ZNF705B: variants seen among roughly 807,000 people sequenced by gnomAD.
The protein encoded by ZNF705B is Putative zinc finger protein 705D-like protein LOC100132396.
ZNF705B carries 1 observed loss-of-function variant against 10.5 expected under a neutral mutation model. That is an observed-to-expected ratio of 0.10 (90% CI 0.03 to 0.45). The LOEUF (loss-of-function observed/expected upper bound fraction) is 0.45. Ranked by LOEUF, ZNF705B falls within the 20% of genes least tolerant of loss-of-function variation. The pLI is 0.97. For synonymous variants in ZNF705B, 4 were observed against 25.4 expected, an observed-to-expected ratio of 0.16 and a Z score of 2.53; for missense variants, 14 against 84.0, an observed-to-expected ratio of 0.17 and a Z score of 3.26.
chr8:7,928,526 A>G lies in ZNF705B; in HGVS notation c.-221-1761A>G, dbSNP rs1346935087. 4.2e-5 allele frequency among the ~76,000 whole-genome samples: 5 copies of G among 119,612 alleles called. 1 individual carries two copies. Among genetic ancestry groups the G allele is most frequent in the Non-Finnish European group, 6.0e-5 (3 of 49,962 alleles). The allele number at this position is 119,612 out of a possible 152,430, so 78.5% of individuals were successfully genotyped here. ...ACAGTGTAGAGAAGGAGAGAGATGT[A>G]GAAACAATATAAAGCAACACAGATG... On this transcript the variant is annotated intron_variant, in intron 1 of 6. Transcript: ENST00000400120.
intron 2 of ZNF705B, among the ~76,000 whole-genome samples, chr8:7,935,889 C>T (rs1464701865): frequency 4.4e-5 from 4 of 91,634 alleles, no homozygotes; most frequent in African/African-American, 8.2e-5. Context: ...AGCCCACTGG[C>T]CTTGTGCTAA....
At chr8:7,936,529 T>C (rs1251864271) in intron 2 of ZNF705B, among the ~76,000 whole-genome samples, 1 of 119,740 alleles carries the variant, frequency 8.4e-6, no homozygotes, top group African/African-American at 2.6e-5. Context: ...TGTCACGGAA[T>C]ACTATGCATC....
chr8:7,930,838 T>C lies in ZNF705B; in HGVS notation c.-72+402T>C, dbSNP rs546178976. ...ATCACGGCAAAGATGTGTTGTGTTATTTTTTTTGTTTTTTTTTTTGTTGTT... is the reference window on the plus strand; with the variant it reads ...ATCACGGCAAAGATGTGTTGTGTTACTTTTTTTGTTTTTTTTTTTGTTGTT... On this transcript the variant is annotated intron_variant, in intron 2 of 6. Transcript: ENST00000400120. 2.7e-3 allele frequency among the ~76,000 whole-genome samples: 219 copies of C among 81,544 alleles called. 4 individuals carry two copies. The highest frequency in any genetic ancestry group is 6.7e-3 in the African/African-American group (198 of 29,416). The allele number at this position is 81,544 out of a possible 152,430, so 53.5% of individuals were successfully genotyped here.
At chr8:7,928,197 C>T (rs1193538552) in intron 1 of ZNF705B, among the ~76,000 whole-genome samples, 2 of 110,028 alleles carry the variant, frequency 1.8e-5, no homozygotes, top group Non-Finnish European at 4.3e-5. Context: ...GGCAGCAATC[C>T]CATCACAAGG....
intron 2 of ZNF705B, among the ~76,000 whole-genome samples, chr8:7,940,615 G>A (rs1253694133): frequency 7.0e-6 from 1 of 142,412 alleles, no homozygotes; most frequent in African/African-American, 2.6e-5. Flanking sequence ...CAGGGCCCCT[G>A]GCAACCACCA....
rs111343566 is a variant in ZNF705B at position 7,936,781 on chromosome 8, G to C, written c.-72+6345G>C. Among the ~76,000 whole-genome samples the C allele has an allele frequency of 6.7e-4, 81 of 120,216 alleles. 22 individuals are homozygous for C. The highest frequency in any genetic ancestry group is 7.1e-4 in the Non-Finnish European group (36 of 50,454). The allele number at this position is 120,216 out of a possible 152,430, so 78.9% of individuals were successfully genotyped here. A position where few individuals can be genotyped will look rare whatever the true frequency, so the allele number is the denominator to read the frequency against. On this transcript the variant is annotated intron_variant, in intron 2 of 6. Transcript: ENST00000400120. ...CTCTTTGGGTACACCCTACCTGTGT[G>C]ACAGAGTTATTCATACCCCAAACCT...
At chr8:7,928,296 T>C (rs1339256546) in intron 1 of ZNF705B, among the ~76,000 whole-genome samples, 1 of 120,366 alleles carries the variant, frequency 8.3e-6, no homozygotes, top group African/African-American at 2.5e-5. Context: ...AACAGATGAA[T>C]GGGGAGACAG....
rs1380181506 is a variant in ZNF705B, at chr8:7,936,756, C to T, written c.-72+6320C>T. On this transcript the variant is annotated intron_variant, in intron 2 of 6. Transcript: ENST00000400120. ...AGAGGGAGTAAAGTCTGAAAAGCTACTCTTTGGGTACACCCTACCTGTGTG... is the reference window on the plus strand; with the variant it reads ...AGAGGGAGTAAAGTCTGAAAAGCTATTCTTTGGGTACACCCTACCTGTGTG... Among the ~76,000 whole-genome samples the T allele has an allele frequency of 5.8e-5, 7 of 119,904 alleles. 3 individuals are homozygous for T. The highest frequency in any genetic ancestry group is 5.6e-4 in the South Asian group (2 of 3,558). The allele number at this position is 119,904 out of a possible 152,430, so 78.7% of individuals were successfully genotyped here.
At position 7,936,972 on chromosome 8, in the gene ZNF705B, A is replaced by C. The variant is rs992645404; in HGVS notation, c.-72+6536A>C. Among the ~76,000 whole-genome samples the C allele has an allele frequency of 6.3e-4, 76 of 120,248 alleles. 22 individuals carry two copies. Among genetic ancestry groups the C allele is most frequent in the Non-Finnish European group, 1.8e-4 (9 of 50,402 alleles). 78.9% of individuals were successfully genotyped at this position (120,248 alleles called of 152,430 possible). Reference sequence around the variant, plus strand: ...TCAAGTAACATTAGGGATTTTAAAAATCTTTCGTTTTCATTTGTTCTTTGC... The same window carrying C: ...TCAAGTAACATTAGGGATTTTAAAACTCTTTCGTTTTCATTTGTTCTTTGC... On this transcript the variant is annotated intron_variant, in intron 2 of 6. Coordinates refer to ENST00000400120, the MANE Select transcript of ZNF705B (RefSeq NM_001193630.1).
At chr8:7,926,850 G>T (rs1463484876) in intron 1 of ZNF705B, among the ~76,000 whole-genome samples, 1 of 115,126 alleles carries the variant, frequency 8.7e-6, no homozygotes, top group Non-Finnish European at 2.1e-5. Context: ...CTAGAGATGT[G>T]TTCCTTTATT....
At position 7,931,804 on chromosome 8, in the gene ZNF705B, C is replaced by T. The variant is rs2472292; in HGVS notation, c.-72+1368C>T. On this transcript the variant is annotated intron_variant, in intron 2 of 6. Coordinates refer to ENST00000400120, the MANE Select transcript of ZNF705B (RefSeq NM_001193630.1). ...CTCCCTTTGTTCTGGGGGCAGCCTC[C>T]CTAGTGAATGGCACTGCCAGTTCCC... 6.4e-3 allele frequency among the ~76,000 whole-genome samples: 827 copies of T among 129,740 alleles called. 20 individuals are homozygous for T. The highest frequency in any genetic ancestry group is 0.02 in the African/African-American group (769 of 39,156). The allele number at this position is 129,740 out of a possible 152,430, so 85.1% of individuals were successfully genotyped here. A position where few individuals can be genotyped will look rare whatever the true frequency, so the allele number is the denominator to read the frequency against.
At chr8:7,937,131 T>C (rs1820036849) in intron 2 of ZNF705B, among the ~76,000 whole-genome samples, 1 of 114,550 alleles carries the variant, frequency 8.7e-6, no homozygotes, top group South Asian at 3.1e-4. Context: ...GGAAATAAGC[T>C]GATGGAAAGG....
rs575624252 is a variant in ZNF705B at position 7,936,918 on chromosome 8, A to G, written c.-72+6482A>G. 2.7e-4 allele frequency among the ~76,000 whole-genome samples: 33 copies of G among 120,054 alleles called. 2 individuals carry two copies. The highest frequency in any genetic ancestry group is 8.2e-4 in the African/African-American group (32 of 39,240). 78.8% of individuals were successfully genotyped at this position (120,054 alleles called of 152,430 possible). A position where few individuals can be genotyped will look rare whatever the true frequency, so the allele number is the denominator to read the frequency against. Reference sequence around the variant, plus strand: ...AAATTACAAAAGACTTTTTAAAATTATGATGTACCATTGTTCATTTGTAAG... The same window carrying G: ...AAATTACAAAAGACTTTTTAAAATTGTGATGTACCATTGTTCATTTGTAAG... On this transcript the variant is annotated intron_variant, in intron 2 of 6. Coordinates refer to ENST00000400120, the MANE Select transcript of ZNF705B (RefSeq NM_001193630.1).
At chr8:7,929,290 C>T (rs1166006780) in intron 1 of ZNF705B, among the ~76,000 whole-genome samples, 1 of 121,032 alleles carries the variant, frequency 8.3e-6, no homozygotes, top group Non-Finnish European at 2.0e-5. Context: ...AAATAGCTGC[C>T]CTTACATGGT....
intron 2 of ZNF705B, among the ~76,000 whole-genome samples, chr8:7,933,103 A>C (rs534811587): frequency 4.0e-4 from 46 of 116,040 alleles, no homozygotes; most frequent in African/African-American, 9.9e-4. Context: ...TAGGGAGATT[A>C]TCTTAGATTA....
chr8:7,940,990 C>T (rs1396472479), intron 2 of ZNF705B, among the ~76,000 whole-genome samples: 1 of 149,040 alleles, frequency 6.7e-6, no homozygotes, highest in East Asian at 2.0e-4. Flanking sequence ...GCTTCCAGCT[C>T]CATTCATGTT....
chr8:7,940,332 C>T (rs1457274727), intron 2 of ZNF705B, among the ~76,000 whole-genome samples: 1 of 147,956 alleles, frequency 6.8e-6, no homozygotes, highest in African/African-American at 2.5e-5. Flanking sequence ...TCTCAGTGAG[C>T]TTGGGGATAA....
chr8:7,930,851 TTTTTTTG>T (rs1157792021), intron 2 of ZNF705B, among the ~76,000 whole-genome samples: 2 of 103,606 alleles, frequency 1.9e-5, no homozygotes, highest in African/African-American at 2.9e-5. Context: ...TTTTTGTTTT[TTTTTTTG>T]TTGTTGTTGT....
chr8:7,931,477 A>G lies in ZNF705B; in HGVS notation c.-72+1041A>G, dbSNP rs1819846329. Reference sequence around the variant, plus strand: ...CAGCTCCCAGACAATGTGCACAGGCACCACCAGGCTGGGTGGGCTCATACT... The same window carrying G: ...CAGCTCCCAGACAATGTGCACAGGCGCCACCAGGCTGGGTGGGCTCATACT... On this transcript the variant is annotated intron_variant, in intron 2 of 6. Coordinates refer to ENST00000400120, the MANE Select transcript of ZNF705B (RefSeq NM_001193630.1). Among the ~76,000 whole-genome samples the G allele has an allele frequency of 5.7e-5, 7 of 122,040 alleles. No individual in the cohort carries two copies. In the Admixed American group the frequency reaches 6.4e-4, roughly 11 times the overall value. The allele number at this position is 122,040 out of a possible 152,430, so 80.1% of individuals were successfully genotyped here. A position where few individuals can be genotyped will look rare whatever the true frequency, so the allele number is the denominator to read the frequency against.
Sources: allele counts gnomAD v4.1 joint callset (sites outside exome capture counted in the v4.1 genomes callset), GRCh38; gene constraint gnomAD v4.1.1; transcripts MANE v1.5; gene names NCBI Gene and HGNC (gene_info 2026-07-23, HGNC 2026-07-21).